The following CORO1C variants were observed in gnomAD, a reference collection of about 807,000 sequenced individuals.
CORO1C encodes coronin-1C.
In CORO1C, 14 loss-of-function variants were observed where a neutral mutation model predicts 51.2. The observed-to-expected ratio is 0.27, with a 90% CI of 0.18 to 0.43. The LOEUF (loss-of-function observed/expected upper bound fraction) is 0.43. CORO1C is among the 20% of genes least tolerant of loss of function. The pLI is 1.00. For missense variants in CORO1C, 417 were observed against 607.8 expected (o/e 0.69, Z 3.30); for synonymous variants, 181 against 210.5 (o/e 0.86, Z 1.21).
chr12:108,700,888 A>C (rs906845530), intron 2 of CORO1C: 1 of 456,296 alleles, frequency 2.2e-6, no homozygotes, highest in African/African-American at 2.0e-5. Context: ...CAACATCGTT[A>C]TAATAATTTT....
rs767108291 is a variant in CORO1C, at chr12:108,652,256, A to G, written c.1001+16T>C. 38 of 1,611,250 alleles carry G rather than the reference A, an allele frequency of 2.4e-5. No individual in the cohort carries two copies. The highest frequency in any genetic ancestry group is 2.2e-5 in the Non-Finnish European group (26 of 1,177,914). On this transcript the variant is annotated intron_variant, in intron 8 of 10. Transcript: ENST00000261401. ...GTTACACCAACCTAGAATACTTGAC[A>G]ATCTCGATTCTTTACCTGGCAATCT...
chr12:108,691,780 C>A (rs955458857), intron 2 of CORO1C, among the ~76,000 whole-genome samples: 4 of 152,202 alleles, frequency 2.6e-5, no homozygotes, highest in Non-Finnish European at 4.4e-5. Context: ...CAGTGAACTG[C>A]AGCAGCAGGA....
At position 108,717,769 on chromosome 12, in the gene CORO1C, A is replaced by G. The variant is rs117132756; in HGVS notation, c.-6+13660T>C. 4.5e-3 allele frequency among the ~76,000 whole-genome samples: 679 copies of G among 152,364 alleles called. 6 individuals are homozygous for G. Among genetic ancestry groups the G allele is most frequent in the Non-Finnish European group, 7.2e-3 (490 of 68,040 alleles). ...CTGTTGACAAGTAAGGTATCTGAAA[A>G]GAGTAAAACCATGGGAAAAATACTT... On this transcript the variant is annotated intron_variant, in intron 1 of 10. Coordinates refer to ENST00000261401, the MANE Select transcript of CORO1C (RefSeq NM_014325.4).
intron 1 of CORO1C, among the ~76,000 whole-genome samples, chr12:108,729,453 G>C (rs1592961293): frequency 6.6e-6 from 1 of 152,068 alleles, no homozygotes; most frequent in East Asian, 1.9e-4. Context: ...AATAAATATG[G>C]ACAAGATAGG....
At chr12:108,720,329 TTG>T (rs1273831353) in intron 1 of CORO1C, among the ~76,000 whole-genome samples, 1 of 152,166 alleles carries the variant, frequency 6.6e-6, no homozygotes, top group Admixed American at 6.6e-5. Context: ...TACCAAAATG[TTG>T]TGTTATCCTG....
At chr12:108,730,344 A>C (rs2035689474) in intron 1 of CORO1C, 1 of 152,254 alleles carries the variant, frequency 6.6e-6, no homozygotes, top group African/African-American at 2.4e-5. Flanking sequence ...ACACTCCCAA[A>C]AAAGGATGCC....
chr12:108,707,291 T>G (rs1221946909), intron 1 of CORO1C, among the ~76,000 whole-genome samples: 1 of 152,196 alleles, frequency 6.6e-6, no homozygotes, highest in Admixed American at 6.5e-5. Flanking sequence ...CTTACCTCAC[T>G]ACAAAGCAAC....
At chr12:108,685,096 G>T (rs958500066) in intron 2 of CORO1C, among the ~76,000 whole-genome samples, 1 of 152,284 alleles carries the variant, frequency 6.6e-6, no homozygotes, top group Admixed American at 6.5e-5. Context: ...GGGGAATCTG[G>T]AAGTACTAGC....
At chr12:108,676,641 G>A (rs999743250) in intron 3 of CORO1C, among the ~76,000 whole-genome samples, 1 of 151,926 alleles carries the variant, frequency 6.6e-6, no homozygotes, top group South Asian at 2.1e-4. Context: ...GCATGGTGGC[G>A]CAGGGCTGTA....
Position 108,652,436 on chromosome 12 carries a change from A to C in CORO1C, c.856-19T>G, listed in dbSNP as rs1253589063. The C allele has an allele frequency of 1.2e-6, 2 of 1,608,578 alleles. No homozygotes were observed. ...TGTCACCCTGTAAGAAACCAGAGAC[A>C]AGTCTGTGTCTGATTGTTAACTGAA... On this transcript the variant is annotated intron_variant, in intron 7 of 10. Coordinates refer to ENST00000261401, the MANE Select transcript of CORO1C (RefSeq NM_014325.4).
At chr12:108,680,351 C>T (rs1347827493) in intron 2 of CORO1C, among the ~76,000 whole-genome samples, 5 of 152,208 alleles carry the variant, frequency 3.3e-5, no homozygotes, top group Non-Finnish European at 5.9e-5. Context: ...CATTCCTCCA[C>T]TTTCCCTTGC....
intron 1 of CORO1C, among the ~76,000 whole-genome samples, chr12:108,720,072 G>C: frequency 6.6e-6 from 1 of 152,132 alleles, no homozygotes; most frequent in Non-Finnish European, 1.5e-5. Context: ...TGTAATCCCA[G>C]CTACTCGAGA....
intron 2 of CORO1C, among the ~76,000 whole-genome samples, chr12:108,686,187 T>C (rs750622984): frequency 1.3e-5 from 2 of 152,246 alleles, no homozygotes; most frequent in South Asian, 4.1e-4. Context: ...GCACGACACA[T>C]ACTGATTTAT....
At chr12:108,689,285 C>T (rs761820647) in intron 2 of CORO1C, among the ~76,000 whole-genome samples, 1 of 152,194 alleles carries the variant, frequency 6.6e-6, no homozygotes, top group Non-Finnish European at 1.5e-5. Flanking sequence ...AGTCGCACAA[C>T]GCTTTACCCA....
intron 8 of CORO1C, chr12:108,652,054 TC>T (rs370311126): frequency 1.1e-5 from 3 of 282,844 alleles, no homozygotes; most frequent in Non-Finnish European, 1.8e-5. Context: ...TTTTTTCTTT[TC>T]TTTTTTTTTT....
chr12:108,664,485 G>A (rs1245490761), intron 3 of CORO1C, among the ~76,000 whole-genome samples: 1 of 152,182 alleles, frequency 6.6e-6, no homozygotes, highest in Non-Finnish European at 1.5e-5. Flanking sequence ...TTCTGCCCAG[G>A]CTAAATATAA....
rs1040678521 is a variant in CORO1C, at chr12:108,645,794, A to G, written c.*1609T>C. ...TGCCCACACCAGCACGAGCATGTGC[A>G]AGAATTCCCTTCGTGGTCCCAATGG... On this transcript the variant is annotated 3_prime_UTR_variant, in exon 11 of 11. Coordinates refer to ENST00000261401, the MANE Select transcript of CORO1C (RefSeq NM_014325.4). 2 of 152,314 alleles carry G rather than the reference A, an allele frequency of 1.3e-5. No individual in the cohort carries two copies. The highest frequency in any genetic ancestry group is 4.8e-5 in the African/African-American group (2 of 41,452). The allele number at this position is 152,314 out of a possible 1,614,324, so 9.4% of individuals were successfully genotyped here.
In CORO1C at chr12:108,654,452, CA is replaced by C. The variant is rs199555485; in HGVS notation, c.751-43del. On this transcript the variant is annotated intron_variant, in intron 6 of 10. Transcript: ENST00000261401. ...AATAATACATATATGTGTATGTATACATTTTTTTAAAAATAAATTTTTATAA... is the reference window on the plus strand; with the variant it reads ...AATAATACATATATGTGTATGTATACTTTTTTTAAAAATAAATTTTTATAA... 1.1e-3 allele frequency: 1,279 copies of C among 1,124,304 alleles called. 10 individuals are homozygous for C. The African/African-American group carries it at 0.017, about 15-fold the overall frequency. The allele number at this position is 1,124,304 out of a possible 1,614,324, so 69.6% of individuals were successfully genotyped here.
intron 3 of CORO1C, among the ~76,000 whole-genome samples, chr12:108,674,894 TTACA>T (rs1210427934): frequency 6.6e-6 from 1 of 152,190 alleles, no homozygotes; most frequent in Non-Finnish European, 1.5e-5. Flanking sequence ...AGAATATTAC[TTACA>T]TAAACTTAGT....
Sources: gnomAD v4.1 joint callset for allele counts (sites outside exome capture counted in the v4.1 genomes callset) on GRCh38, gnomAD v4.1.1 for gene constraint, MANE v1.5 for transcripts, NCBI Gene and HGNC (gene_info 2026-07-23, HGNC 2026-07-21) for gene names.